Variants in SLC15A3 observed in about 807,000 individuals in gnomAD.
SLC15A3 encodes solute carrier family 15 member 3.
In SLC15A3, 39 loss-of-function variants were observed where a neutral mutation model predicts 49.2. The observed-to-expected ratio is 0.79, with a 90% CI of 0.61 to 1.04. The LOEUF is 1.04. SLC15A3 is among the 50% of genes least tolerant of loss of function. SLC15A3 has a pLI of 0.00. For missense variants in SLC15A3, 758 were observed against 794.8 expected (o/e 0.95, Z 0.56); for synonymous variants, 339 against 367.0 (o/e 0.92, Z 0.87).
Position 60,951,416 on chromosome 11 carries a change from G to A in SLC15A3, c.136C>T (p.Arg46Cys). The A allele has an allele frequency of 6.6e-7, 1 of 1,525,620 alleles. No individual in the cohort carries two copies. Among genetic ancestry groups the A allele is most frequent in the Non-Finnish European group, 8.8e-7 (1 of 1,141,400 alleles). 94.5% of individuals were successfully genotyped at this position (1,525,620 alleles called of 1,614,324 possible). A position where few individuals can be genotyped will look rare whatever the true frequency, so the allele number is the denominator to read the frequency against. The part of the protein sequence containing the change: ...AAVLLVEMLE[R>C]AAFFGVTANL... ...GCGGTGACGCCGAAGAAGGCGGCGC[G>A]CTCCAGCATCTCCACCAGCAGCACG... Residue 46 changes from arginine (R) to cysteine (C), a missense_variant, in exon 1 of 8, where the codon CGC becomes TGC. By Grantham distance (180) the Arg-to-Cys change is radical. Coordinates refer to ENST00000227880, the MANE Select transcript of SLC15A3 (RefSeq NM_016582.3).
rs1033856272 is a variant in SLC15A3, at chr11:60,951,956, T to C, written c.-405A>G. On this transcript the variant is annotated 5_prime_UTR_variant, in exon 1 of 8. Coordinates refer to ENST00000227880, the MANE Select transcript of SLC15A3 (RefSeq NM_016582.3). ...CCTCCGCCTCCCTTTCCCCTCCCCG[T>C]TTGTCGCCCCTTCCTGTTGTCCCCT... Among the ~76,000 whole-genome samples, 1 of 151,436 alleles carries C rather than the reference T, an allele frequency of 6.6e-6. No homozygotes were observed. Among genetic ancestry groups the C allele is most frequent in the Non-Finnish European group, 1.5e-5 (1 of 67,822 alleles).
chr11:60,948,541 C>T (rs185604254), intron 1 of SLC15A3, among the ~76,000 whole-genome samples: 3 of 142,998 alleles, frequency 2.1e-5, no homozygotes, highest in Admixed American at 1.4e-4. Flanking sequence ...CATCTGACTG[C>T]CCCCCTGAAT....
In SLC15A3 at chr11:60,951,080, C is replaced by T. The variant is rs780346061; in HGVS notation, c.472G>A (p.Ala158Thr). 6.7e-7 allele frequency: 1 copy of T among 1,484,234 alleles called. No homozygotes were observed. Among genetic ancestry groups the T allele is most frequent in the African/African-American group, 1.5e-5 (1 of 68,220 alleles). 91.9% of individuals were successfully genotyped at this position (1,484,234 alleles called of 1,614,324 possible). A position where few individuals can be genotyped will look rare whatever the true frequency, so the allele number is the denominator to read the frequency against. ...CPRSSPSPYC[A>T]PVLYAGLLLL... Reference sequence around the variant, plus strand: ...AGCAGGCCCGCGTAGAGGACGGGCGCGCAGTAGGGGCTGGGCGAGGAGCGC... The same window carrying T: ...AGCAGGCCCGCGTAGAGGACGGGCGTGCAGTAGGGGCTGGGCGAGGAGCGC... Residue 158 changes from alanine (A) to threonine (T), a missense_variant, in exon 1 of 8, where the codon GCG becomes ACG. By Grantham distance (58) the Ala-to-Thr change is moderately conservative. Around this residue, in one of 3 missense-constraint regions of SLC15A3, gnomAD observed 699 missense variants for 706.7 expected, o/e 0.99. Transcript: ENST00000227880.
intron 1 of SLC15A3, among the ~76,000 whole-genome samples, chr11:60,947,499 AG>A (rs1209067822): frequency 1.3e-5 from 2 of 152,180 alleles, no homozygotes; most frequent in African/African-American, 4.8e-5. Context: ...TTTTATAATC[AG>A]AAAAAAGCCA....
rs760434125 is a variant in SLC15A3 at position 60,937,866 on chromosome 11, T to C, written c.1591+4A>G. ...TCCCACTCCTGGGGAGGCCCCATAC[T>C]CACCAAAGTCCTTGGGGCAGTGCAG... On this transcript the variant is annotated splice_donor_region_variant and intron_variant, in intron 7 of 7. Transcript: ENST00000227880. The C allele has an allele frequency of 6.2e-7, 1 of 1,613,574 alleles. No individual in the cohort carries two copies. The highest frequency in any genetic ancestry group is 1.1e-5 in the South Asian group (1 of 91,038).
chr11:60,943,477 T>A (rs1192915448), intron 3 of SLC15A3: 1 of 412,314 alleles, frequency 2.4e-6, no homozygotes, highest in African/African-American at 2.1e-5. Flanking sequence ...GGAAGCTGTC[T>A]CCAGAGTTCC....
intron 7 of SLC15A3, 50 bp downstream of exon 7, chr11:60,937,820 C>T (rs368267294): frequency 2.5e-5 from 39 of 1,588,026 alleles, no homozygotes; most frequent in Non-Finnish European, 3.3e-5. Flanking sequence ...CACCTCCTTT[C>T]CAAGCCTCCC....
intron 1 of SLC15A3, among the ~76,000 whole-genome samples, chr11:60,949,548 G>GAAAGAAAGAAAGAAAGAA (rs1554986470): frequency 7.5e-4 from 59 of 78,470 alleles, no homozygotes; most frequent in African/African-American, 1.3e-3. Context: ...AAGAAAGAAA[G>GAAAGAAAGAAAGAAAGAA]AAAGAAAGAA....
chr11:60,937,309 C>T lies in SLC15A3; in HGVS notation c.1656G>A (p.Thr552=), dbSNP rs746370890. Residue 552 remains threonine, a synonymous_variant, in exon 8 of 8, where the codon ACG becomes ACA. Coordinates refer to ENST00000227880, the MANE Select transcript of SLC15A3 (RefSeq NM_016582.3). ...FFLLAGIQAV[T]ALLFVWIAGR... ...CAGCGATCCAGACAAATAGGAGAGC[C>T]GTGACGGCCTGAATGCCAGCCAGCA... is the stretch of plus-strand genomic sequence containing the variant. The T allele has an allele frequency of 1.6e-5, 26 of 1,614,004 alleles. No individual in the cohort carries two copies. The highest frequency in any genetic ancestry group is 8.3e-5 in the Admixed American group (5 of 60,002).
chr11:60,941,462 T>C (rs1856708081), intron 4 of SLC15A3, 172 bp from the exon 5 acceptor site: 1 of 588,638 alleles, frequency 1.7e-6, no homozygotes, highest in East Asian at 3.1e-5. Context: ...TATGTAGAGA[T>C]GGCAAATAGG....
intron 1 of SLC15A3, among the ~76,000 whole-genome samples, chr11:60,949,470 GAA>G (rs1364904175): frequency 7.4e-6 from 1 of 135,068 alleles, no homozygotes; most frequent in African/African-American, 3.5e-5. Context: ...GAGAGAGAGA[GAA>G]AGAGAAAGAA....
rs879928362 is a variant in SLC15A3 at position 60,949,374 on chromosome 11, G to A, written c.558+1620C>T. The stretch of plus-strand genomic sequence containing the variant: ...AAGAAAGGAAAGAAGGAAAGAAAGA[G>A]AAAGAAAGAGAGAGAGAGAAAGAGA... On this transcript the variant is annotated intron_variant, in intron 1 of 7. Transcript: ENST00000227880. 2.2e-4 allele frequency among the ~76,000 whole-genome samples: 29 copies of A among 134,468 alleles called. 2 individuals are homozygous for A. Among genetic ancestry groups the A allele is most frequent in the African/African-American group, 7.4e-4 (24 of 32,372 alleles). The allele number at this position is 134,468 out of a possible 152,430, so 88.2% of individuals were successfully genotyped here.
rs569461369 is a variant in SLC15A3 at position 60,947,366 on chromosome 11, A to C, written c.559-545T>G. On this transcript the variant is annotated intron_variant, in intron 1 of 7. Coordinates refer to ENST00000227880, the MANE Select transcript of SLC15A3 (RefSeq NM_016582.3). ...GGCTAATTTTTTGTATTTTTAGTAGAGACGGGGTTTCACCTTGTTAGCCAG... is the reference window on the plus strand; with the variant it reads ...GGCTAATTTTTTGTATTTTTAGTAGCGACGGGGTTTCACCTTGTTAGCCAG... 2.0e-3 allele frequency among the ~76,000 whole-genome samples: 297 copies of C among 152,236 alleles called. 2 individuals carry two copies. The highest frequency in any genetic ancestry group is 6.5e-3 in the African/African-American group (270 of 41,530).
intron 3 of SLC15A3, 169 bp from the exon 4 acceptor site, chr11:60,942,314 C>G: frequency 1.7e-6 from 1 of 596,166 alleles, no homozygotes; most frequent in Non-Finnish European, 3.0e-6. Context: ...GGTAGCTGGG[C>G]TGGGCAGGGA....
Position 60,941,182 on chromosome 11 carries a change from A to G in SLC15A3, c.1216T>C (p.Ser406Pro). 6.2e-7 allele frequency: 1 copy of G among 1,614,130 alleles called. No individual in the cohort carries two copies. ...CCCAGCGCCATCTTCTGCAGAGCAG[A>G]GGGAAGCAGCTTGCACCGCAGCAGT... ...PLLLRCKLLP[S>P]ALQKMALGMF... Residue 406 changes from serine (S) to proline (P), a missense_variant, in exon 5 of 8, where the codon TCT becomes CCT. Physicochemically the swap from Ser to Pro is moderately conservative, Grantham distance 74. Around this residue, in one of 3 missense-constraint regions of SLC15A3, gnomAD observed 699 missense variants for 706.7 expected, o/e 0.99. Coordinates refer to ENST00000227880, the MANE Select transcript of SLC15A3 (RefSeq NM_016582.3).
At chr11:60,938,744 G>T (rs1019206678) in intron 6 of SLC15A3, among the ~76,000 whole-genome samples, 1 of 152,042 alleles carries the variant, frequency 6.6e-6, no homozygotes, top group African/African-American at 2.4e-5. Context: ...CTGTAAGACC[G>T]CTCCTCCTAC....
rs558973887 is a variant in SLC15A3, at chr11:60,937,144, C to T, written c.*75G>A. The T allele has an allele frequency of 2.8e-5, 43 of 1,545,634 alleles. No homozygotes were observed. In the African/African-American group the frequency reaches 3.6e-4, roughly 13 times the overall value. On this transcript the variant is annotated 3_prime_UTR_variant, in exon 8 of 8. Coordinates refer to ENST00000227880, the MANE Select transcript of SLC15A3 (RefSeq NM_016582.3). ...ACCATTTCATTCTAACAGAATAAACCGAGAAGGAAACCAGAGCTGGGACTG... is the reference window on the plus strand; with the variant it reads ...ACCATTTCATTCTAACAGAATAAACTGAGAAGGAAACCAGAGCTGGGACTG...
At chr11:60,949,372 G>GAAAGGAAAGAAGGAAAGAA (rs1371580895) in intron 1 of SLC15A3, among the ~76,000 whole-genome samples, 1 of 109,478 alleles carries the variant, frequency 9.1e-6, no homozygotes, top group African/African-American at 9.0e-5. Flanking sequence ...AGGAAAGAAA[G>GAAAGGAAAGAAGGAAAGAA]AGAAAGAAAG....
rs201891706 is a variant in SLC15A3, at chr11:60,938,044, G to C, written c.1436-19C>G. On this transcript the variant is annotated intron_variant, in intron 6 of 7. Transcript: ENST00000227880. ...TCCAGGCCTGCAGAGGGGGAGCAGA[G>C]ACGATCTCAGGGGCTGGTGCAGGCG... The C allele has an allele frequency of 1.9e-4, 302 of 1,612,094 alleles. No individual in the cohort carries two copies. Among genetic ancestry groups the C allele is most frequent in the Non-Finnish European group, 1.3e-4 (148 of 1,179,272 alleles).
Sources: allele counts gnomAD v4.1 joint callset (sites outside exome capture counted in the v4.1 genomes callset), GRCh38; gene constraint gnomAD v4.1.1; regional missense constraint gnomAD v4.1.1; transcripts MANE v1.5; gene names NCBI Gene and HGNC (gene_info 2026-07-23, HGNC 2026-07-21).